Variants in BPIFB1 observed in about 807,000 individuals in gnomAD.
BPIFB1 encodes BPI fold containing family B member 1.
Under a neutral mutation model 55.1 loss-of-function variants are expected in BPIFB1, and 34 were observed. The observed-to-expected ratio is 0.62, with a 90% CI of 0.47 to 0.82. The LOEUF (loss-of-function observed/expected upper bound fraction) is 0.82, where lower values mean the gene tolerates loss of function less well. Ranked by LOEUF, BPIFB1 falls within the 40% of genes least tolerant of loss-of-function variation. The pLI is 0.00. For missense variants in BPIFB1, 532 were observed against 593.1 expected (o/e 0.90, Z 1.07); for synonymous variants, 236 against 245.3 (o/e 0.96, Z 0.35).
intron 11 of BPIFB1, among the ~76,000 whole-genome samples, chr20:33,303,398 C>T (rs1980918575): frequency 6.6e-6 from 1 of 152,202 alleles, no homozygotes; most frequent in African/African-American, 2.4e-5. Context: ...CTTCATTCTC[C>T]TCTCTCCCAC....
Position 33,302,443 on chromosome 20 carries a change from G to A in BPIFB1, c.981+31G>A, listed in dbSNP as rs764729103. The A allele has an allele frequency of 1.9e-6, 3 of 1,612,972 alleles. No homozygotes were observed. In the East Asian group the frequency reaches 6.7e-5, roughly 36 times the overall value. On this transcript the variant is annotated intron_variant, in intron 10 of 15. Coordinates refer to ENST00000253354, the MANE Select transcript of BPIFB1 (RefSeq NM_033197.3). ...TCTGTTTGCCATCTGCAGCTTGAGG[G>A]GTGTTTGCTGTGGTCTGGACACAGG...
At chr20:33,299,813 A>C in intron 7 of BPIFB1, 86 bp from the exon 8 acceptor site, 1 of 782,548 alleles carries the variant, frequency 1.3e-6, no homozygotes, top group Non-Finnish European at 2.2e-6. Flanking sequence ...ATGCAACAGT[A>C]CAGCTCCACC....
At chr20:33,288,466 G>C (rs1055509075) in intron 2 of BPIFB1, among the ~76,000 whole-genome samples, 1 of 152,148 alleles carries the variant, frequency 6.6e-6, no homozygotes, top group Non-Finnish European at 1.5e-5. Flanking sequence ...TGCAGTGGCC[G>C]ACACTCCCCA....
In BPIFB1 at chr20:33,309,805, A is replaced by G; in HGVS notation, c.*38A>G. ...CAGCCATCAGGGAAGGCTGGGTCCCAGCTGGGAGTATGGGTGTGAGCTCTA... is the reference window on the plus strand; with the variant it reads ...CAGCCATCAGGGAAGGCTGGGTCCCGGCTGGGAGTATGGGTGTGAGCTCTA... On this transcript the variant is annotated 3_prime_UTR_variant, in exon 16 of 16. Coordinates refer to ENST00000253354, the MANE Select transcript of BPIFB1 (RefSeq NM_033197.3). This position sits in a 1 kb window ranked among gnomAD's most constrained non-coding sequence, Gnocchi z 4.4. 2 of 1,579,678 alleles carry G rather than the reference A, an allele frequency of 1.3e-6. No individual in the cohort carries two copies. The highest frequency in any genetic ancestry group is 1.7e-6 in the Non-Finnish European group (2 of 1,149,226).
chr20:33,284,210 G>A (rs138737214), intron 1 of BPIFB1, among the ~76,000 whole-genome samples: 1 of 152,336 alleles, frequency 6.6e-6, no homozygotes, highest in African/African-American at 2.4e-5. Flanking sequence ...AGTAAATGGA[G>A]GCTCAGAAAG....
chr20:33,308,498 ACGCACATAC>A (rs1162209503), intron 15 of BPIFB1, among the ~76,000 whole-genome samples: 4 of 149,922 alleles, frequency 2.7e-5, no homozygotes, highest in Admixed American at 1.3e-4. Context: ...ATACATACAC[ACGCACATAC>A]AAACACATAC....
Position 33,299,957 on chromosome 20 carries a change from G to C in BPIFB1, c.720G>C (p.Lys240Asn), listed in dbSNP as rs1464586065. ...TTGACCTTCTGTATCCTGCCATCAA[G>C]GGTGACACCATTCAGCTCTACCTGG... ...LEFDLLYPAI[K>N]GDTIQLYLGA... The change falls in exon 8 of 16, where the codon AAG (lysine) becomes AAC (asparagine). Residue 240 changes from lysine to asparagine, a missense_variant. Physicochemically the swap from Lys to Asn is moderately conservative, Grantham distance 94. Transcript: ENST00000253354. 3.7e-6 allele frequency: 6 copies of C among 1,614,136 alleles called. No homozygotes were observed. The highest frequency in any genetic ancestry group is 4.2e-6 in the Non-Finnish European group (5 of 1,180,010).
At chr20:33,301,478 A>C (rs1454069063) in intron 9 of BPIFB1, 66 bp downstream of exon 9, 1 of 1,493,230 alleles carries the variant, frequency 6.7e-7, no homozygotes, top group East Asian at 2.3e-5. Context: ...TCCTGAACAC[A>C]GGGTGCCCCT....
In BPIFB1 at chr20:33,304,865, A is replaced by T; in HGVS notation, c.1228A>T (p.Met410Leu). 2.5e-6 allele frequency: 4 copies of T among 1,614,142 alleles called. No homozygotes were observed. Among genetic ancestry groups the T allele is most frequent in the Non-Finnish European group, 2.5e-6 (3 of 1,180,016 alleles). The change falls in exon 13 of 16, where the codon ATG (methionine) becomes TTG (leucine). Residue 410 changes from methionine (M) to leucine (L), a missense_variant. By Grantham distance (15) the Met-to-Leu change is conservative (BLOSUM62 2). Transcript: ENST00000253354. ...TTGCAGCTCTGATCGGATCCAGCTG[A>T]TGAACTCTGGGATTGGCTGGTTCCA... ...NNISSDRIQL[M>L]NSGIGWFQPD...
chr20:33,290,769 G>A (rs886301981), intron 4 of BPIFB1, among the ~76,000 whole-genome samples, 188 bp from the exon 5 acceptor site: 3 of 152,228 alleles, frequency 2.0e-5, no homozygotes, highest in African/African-American at 4.8e-5. Context: ...GACGAAAGAC[G>A]TTTCAACCAA....
chr20:33,297,446 G>A, intron 6 of BPIFB1, 79 bp from the exon 7 acceptor site: 1 of 1,496,780 alleles, frequency 6.7e-7, no homozygotes, highest in Non-Finnish European at 9.3e-7. Flanking sequence ...AGGCCAGGTG[G>A]GCTGGGCACA....
Position 33,286,134 on chromosome 20 carries a change from G to A in BPIFB1, c.61G>A (p.Ala21Thr), listed in dbSNP as rs1458716628. The A allele has an allele frequency of 6.2e-7, 1 of 1,614,198 alleles. No homozygotes were observed. The highest frequency in any genetic ancestry group is 8.5e-7 in the Non-Finnish European group (1 of 1,180,036). ...TTTGCTGGCAGCCACCTTGATCCAAGCCACCCTCAGTCCCACTGCAGTTCT... is the reference window on the plus strand; with the variant it reads ...TTTGCTGGCAGCCACCTTGATCCAAACCACCCTCAGTCCCACTGCAGTTCT... Reference protein sequence around the residue: ...CGLLAATLIQATLSPTAVLIL... With the variant: ...CGLLAATLIQTTLSPTAVLIL... The change falls in exon 2 of 16, where the codon GCC (alanine) becomes ACC (threonine). Residue 21 changes from alanine to threonine, a missense_variant. Transcript: ENST00000253354.
rs956058456 is a variant in BPIFB1, at chr20:33,304,008, C to A, written c.1191C>A (p.Leu397=). Residue 397 remains leucine (L), a synonymous_variant, in exon 12 of 16, where the codon CTC becomes CTA. Coordinates refer to ENST00000253354, the MANE Select transcript of BPIFB1 (RefSeq NM_033197.3). ...QFYTKGDQLI[L]NLNNISSDRI... is the part of the protein sequence containing the mutation. ...ACACCAAAGGTGACCAACTTATACT[C>A]AACTTGAATAACATCAGGTAAACAC... 1 of 1,613,270 alleles carries A rather than the reference C, an allele frequency of 6.2e-7. No homozygotes were observed. The highest frequency in any genetic ancestry group is 1.1e-5 in the South Asian group (1 of 90,826).
intron 1 of BPIFB1, among the ~76,000 whole-genome samples, chr20:33,285,526 A>G (rs1980237085): frequency 6.6e-6 from 1 of 151,710 alleles, no homozygotes; most frequent in South Asian, 2.1e-4. Flanking sequence ...ATCCTGGCTA[A>G]CACGGTGAAA....
chr20:33,306,640 G>A (rs959751784), intron 14 of BPIFB1: 3 of 481,600 alleles, frequency 6.2e-6, no homozygotes, highest in Non-Finnish European at 7.5e-6. Flanking sequence ...CTCTGCTGGG[G>A]ATAATGGGAG....
intron 12 of BPIFB1, among the ~76,000 whole-genome samples, chr20:33,304,450 T>G (rs1980953340): frequency 6.6e-6 from 1 of 152,208 alleles, no homozygotes; most frequent in Admixed American, 6.5e-5. Flanking sequence ...TCAGCCCACA[T>G]AGGGCTGGGC....
At chr20:33,297,444 T>G (rs1600666175) in intron 6 of BPIFB1, 81 bp from the exon 7 acceptor site, 1 of 1,475,330 alleles carries the variant, frequency 6.8e-7, no homozygotes, top group Non-Finnish European at 9.4e-7. Context: ...ACAGGCCAGG[T>G]GGGCTGGGCA....
At chr20:33,288,088 G>C (rs1457557213) in intron 2 of BPIFB1, among the ~76,000 whole-genome samples, 1 of 152,328 alleles carries the variant, frequency 6.6e-6, no homozygotes, top group South Asian at 2.1e-4. Flanking sequence ...GGGTGAGGGA[G>C]CTGGGATATT....
Position 33,300,790 on chromosome 20 carries a change from G to T in BPIFB1, c.748-443G>T, listed in dbSNP as rs373140272. Among the ~76,000 whole-genome samples, 8 of 152,186 alleles carry T rather than the reference G, an allele frequency of 5.3e-5. 1 individual carries two copies. The South Asian group carries it at 1.7e-3, about 32-fold the overall frequency. ...TTTTGTAAAGATGGGGTTCCGCCAT[G>T]TTGCCCAGGCTGGTCTCAAACTCCT... On this transcript the variant is annotated intron_variant, in intron 8 of 15. Transcript: ENST00000253354.
Sources: allele counts gnomAD v4.1 joint callset (sites outside exome capture counted in the v4.1 genomes callset), GRCh38; gene constraint gnomAD v4.1.1; non-coding constraint Gnocchi (gnomAD v3.1); transcripts MANE v1.5; gene names NCBI Gene and HGNC (gene_info 2026-07-23, HGNC 2026-07-21).